TSPAN14: variants seen among roughly 807,000 people sequenced by gnomAD.
TSPAN14 encodes tetraspanin 14.
In TSPAN14, 16 loss-of-function variants were observed where a neutral mutation model predicts 36.6. The observed-to-expected ratio is 0.44, with a 90% CI of 0.30 to 0.66. The LOEUF (loss-of-function observed/expected upper bound fraction) is 0.66. Among genes scored for constraint, TSPAN14 ranks in the 30% least tolerant of loss-of-function variants. The pLI, the probability that TSPAN14 is intolerant of heterozygous loss-of-function variation, is 0.12. For synonymous variants in TSPAN14, 139 were observed against 143.8 expected, an observed-to-expected ratio of 0.97 and a Z score of 0.24; for missense variants, 231 against 355.1, an observed-to-expected ratio of 0.65 and a Z score of 2.81.
chr10:80,485,178 G>T (rs1037940596), intron 1 of TSPAN14, among the ~76,000 whole-genome samples: 2 of 150,742 alleles, frequency 1.3e-5, no homozygotes, highest in African/African-American at 4.9e-5. Context: ...TCTACTTTTA[G>T]GAAGGTTCTT....
At chr10:80,457,151 G>A (rs1378032277) in intron 1 of TSPAN14, among the ~76,000 whole-genome samples, 1 of 152,124 alleles carries the variant, frequency 6.6e-6, no homozygotes. Context: ...AGGTCACAGA[G>A]TAACTTGCTT....
chr10:80,497,132 T>C (rs991609082), intron 2 of TSPAN14, among the ~76,000 whole-genome samples: 1 of 152,228 alleles, frequency 6.6e-6, no homozygotes, highest in Non-Finnish European at 1.5e-5. Context: ...TTGTAGATCA[T>C]TTATTCTTGT....
rs1341911363 is a variant in TSPAN14, at chr10:80,515,995, T to A, written c.622-209T>A. The A allele has an allele frequency of 4.7e-6, 3 of 642,008 alleles. No homozygotes were observed. In the African/African-American group the frequency reaches 5.5e-5, roughly 12 times the overall value. The allele number at this position is 642,008 out of a possible 1,614,324, so 39.8% of individuals were successfully genotyped here. A position where few individuals can be genotyped will look rare whatever the true frequency, so the allele number is the denominator to read the frequency against. ...AAGGAAACAGCCAGGGAGCCTTTGG[T>A]CAGACAGGTGGTGCGATGGCACAGT... On this transcript the variant is annotated intron_variant, in intron 7 of 8. Transcript: ENST00000429989.
chr10:80,477,199 A>G (rs1846967391), intron 1 of TSPAN14, among the ~76,000 whole-genome samples: 1 of 152,230 alleles, frequency 6.6e-6, no homozygotes, highest in African/African-American at 2.4e-5. Flanking sequence ...ATGTAATTAC[A>G]TTGGATAGCT....
At chr10:80,464,045 G>A (rs532088023) in intron 1 of TSPAN14, among the ~76,000 whole-genome samples, 10 of 152,344 alleles carry the variant, frequency 6.6e-5, no homozygotes, top group Non-Finnish European at 1.0e-4. Context: ...GAGTTGGGGT[G>A]TAGGGAGGCG....
chr10:80,471,192 C>T (rs1846533587), intron 1 of TSPAN14, among the ~76,000 whole-genome samples: 1 of 152,080 alleles, frequency 6.6e-6, no homozygotes, highest in South Asian at 2.1e-4. Context: ...TCTCCACGGC[C>T]TCATTCTCGG....
intron 1 of TSPAN14, among the ~76,000 whole-genome samples, chr10:80,462,715 A>G (rs951072609): frequency 6.6e-6 from 1 of 152,192 alleles, no homozygotes; most frequent in African/African-American, 2.4e-5. Flanking sequence ...TGGAAGGTAC[A>G]TGGAGTTTAG....
rs1840501598 is a variant in TSPAN14, at chr10:80,509,611, G to A, written c.450+140G>A. 2.4e-6 allele frequency: 2 copies of A among 843,784 alleles called. No homozygotes were observed. Among genetic ancestry groups the A allele is most frequent in the Non-Finnish European group, 3.6e-6 (2 of 552,756 alleles). 52.3% of individuals were successfully genotyped at this position (843,784 alleles called of 1,614,324 possible). A position where few individuals can be genotyped will look rare whatever the true frequency, so the allele number is the denominator to read the frequency against. On this transcript the variant is annotated intron_variant, in intron 5 of 8. Coordinates refer to ENST00000429989, the Ensembl canonical transcript of TSPAN14. This position sits in a 1 kb window ranked among gnomAD's most constrained non-coding sequence, Gnocchi z 4.7. ...AGACAGCAGGGAGGCCGTGGAACAAGCCACTCCACCTCTGGTCTGTTCCAC... is the reference window on the plus strand; with the variant it reads ...AGACAGCAGGGAGGCCGTGGAACAAACCACTCCACCTCTGGTCTGTTCCAC...
intron 1 of TSPAN14, among the ~76,000 whole-genome samples, chr10:80,455,957 C>T (rs1845718300): frequency 6.6e-6 from 1 of 152,296 alleles, no homozygotes; most frequent in East Asian, 1.9e-4. Context: ...CCCTTTCCTT[C>T]TCATTGTGTT....
At chr10:80,457,559 C>A (rs920518453) in intron 1 of TSPAN14, among the ~76,000 whole-genome samples, 2 of 152,220 alleles carry the variant, frequency 1.3e-5, no homozygotes, top group African/African-American at 2.4e-5. Context: ...ATATACCAAA[C>A]AAGCCTGGCC....
At chr10:80,487,338 T>A (rs1847667200) in intron 1 of TSPAN14, among the ~76,000 whole-genome samples, 1 of 151,708 alleles carries the variant, frequency 6.6e-6, no homozygotes, top group African/African-American at 2.4e-5. Flanking sequence ...GGTGGGGGAC[T>A]TGTCGGAAAT....
At chr10:80,479,410 G>C (rs1464608497) in intron 1 of TSPAN14, among the ~76,000 whole-genome samples, 1 of 152,060 alleles carries the variant, frequency 6.6e-6, no homozygotes. Context: ...TTCTTCTAGG[G>C]TTTTTATGGT....
At chr10:80,471,610 C>G (rs999458927) in intron 1 of TSPAN14, among the ~76,000 whole-genome samples, 7 of 152,214 alleles carry the variant, frequency 4.6e-5, no homozygotes, top group Admixed American at 3.3e-4. Context: ...GGGTATAGGA[C>G]ACGTGCACTA....
chr10:80,510,004 G>C (rs915704246), intron 5 of TSPAN14: 5 of 157,236 alleles, frequency 3.2e-5, no homozygotes, highest in South Asian at 1.9e-4. Context: ...TATGTGCCCA[G>C]GGGTTTGTCT....
Position 80,509,091 on chromosome 10 carries a change from G to A in TSPAN14, c.280-210G>A, listed in dbSNP as rs1236227175. Reference sequence around the variant, plus strand: ...TCAGCAATGCAGTGACATGGGTAGGGATAAATAGCCCCTTTTTACAGATGA... The same window carrying A: ...TCAGCAATGCAGTGACATGGGTAGGAATAAATAGCCCCTTTTTACAGATGA... On this transcript the variant is annotated intron_variant, in intron 4 of 8. Transcript: ENST00000429989. The surrounding 1 kb of genome is among the most constrained non-coding windows in gnomAD (Gnocchi z 4.7). 2.0e-5 allele frequency among the ~76,000 whole-genome samples: 3 copies of A among 152,256 alleles called. No homozygotes were observed. The East Asian group carries it at 5.8e-4, about 29-fold the overall frequency.
At chr10:80,487,616 A>G (rs951623837) in intron 1 of TSPAN14, among the ~76,000 whole-genome samples, 1 of 152,056 alleles carries the variant, frequency 6.6e-6, no homozygotes, top group Non-Finnish European at 1.5e-5. Flanking sequence ...GCTCTGGCCC[A>G]TACAGTGTTC....
intron 1 of TSPAN14, among the ~76,000 whole-genome samples, chr10:80,460,482 C>T (rs1284280522): frequency 6.6e-6 from 1 of 152,148 alleles, no homozygotes; most frequent in Non-Finnish European, 1.5e-5. Context: ...TGGTGAGGGA[C>T]AGAATCTCTG....
rs771175216 is a variant in TSPAN14, at chr10:80,509,491, G to GT, written c.450+20_450+21insT. 6.2e-7 allele frequency: 1 copy of GT among 1,609,600 alleles called. No homozygotes were observed. Among genetic ancestry groups the GT allele is most frequent in the Non-Finnish European group, 8.5e-7 (1 of 1,177,892 alleles). On this transcript the variant is annotated intron_variant, in intron 5 of 8. Transcript: ENST00000429989. The surrounding 1 kb of genome is among the most constrained non-coding windows in gnomAD (Gnocchi z 4.7). Reference sequence around the variant, plus strand: ...AAAGCTGTAAGCACCTCCCCAGCGGGCCCCCGATAGAGCATGCACCTCCCT... The same window carrying GT: ...AAAGCTGTAAGCACCTCCCCAGCGGGTCCCCCGATAGAGCATGCACCTCCCT...
At chr10:80,481,753 T>A (rs1468265861) in intron 1 of TSPAN14, among the ~76,000 whole-genome samples, 1 of 152,118 alleles carries the variant, frequency 6.6e-6, no homozygotes, top group Non-Finnish European at 1.5e-5. Flanking sequence ...TGCCTCCCAA[T>A]TAACTGGGAT....
Sources: gnomAD v4.1 joint callset for allele counts (sites outside exome capture counted in the v4.1 genomes callset) on GRCh38, gnomAD v4.1.1 for gene constraint, Gnocchi (gnomAD v3.1) non-coding constraint, MANE v1.5 for transcripts, NCBI Gene and HGNC (gene_info 2026-07-23, HGNC 2026-07-21) for gene names.